Variants in DOCK6 observed in about 807,000 individuals in gnomAD.
The protein encoded by DOCK6 is dedicator of cytokinesis 6.
DOCK6 carries 167 observed loss-of-function variants against 230.3 expected under a neutral mutation model. That is an observed-to-expected ratio of 0.73 (90% CI 0.64 to 0.82). The LOEUF (loss-of-function observed/expected upper bound fraction) is 0.82. Among genes scored for constraint, DOCK6 ranks in the 40% least tolerant of loss-of-function variants. DOCK6 has a pLI of 0.00. For synonymous variants in DOCK6, 1,148 were observed against 1,185.0 expected, an observed-to-expected ratio of 0.97 and a Z score of 0.64; for missense variants, 2,598 against 2,825.8, an observed-to-expected ratio of 0.92 and a Z score of 1.83.
rs986078257 is a variant in DOCK6, at chr19:11,201,323, T to TG, written c.5689-272dup. 8.6e-5 allele frequency among the ~76,000 whole-genome samples: 13 copies of TG among 151,920 alleles called. No homozygotes were observed. The highest frequency in any genetic ancestry group is 6.6e-5 in the Admixed American group (1 of 15,258). On this transcript the variant is annotated intron_variant, in intron 44 of 47. Coordinates refer to ENST00000294618, the MANE Select transcript of DOCK6 (RefSeq NM_020812.4). The surrounding 1 kb of genome is among the most constrained non-coding windows in gnomAD (Gnocchi z 4.3). ...GAGATTTGGACTGGAAGTTGGAGTT[T>TG]GGGGTCCCCAACCTGGTTCTGGGGT...
Position 11,202,566 on chromosome 19 carries a change from C to T in DOCK6, c.5361+18G>A, listed in dbSNP as rs1826718581. On this transcript the variant is annotated intron_variant, in intron 42 of 47. Transcript: ENST00000294618. This position sits in a 1 kb window ranked among gnomAD's most constrained non-coding sequence, Gnocchi z 5.3. ...GGCAGCCCCATGCCCCGTTCCACCC[C>T]CAACCACAAGGACGTGCCTCCAGCC... 1.9e-6 allele frequency: 3 copies of T among 1,613,872 alleles called. No homozygotes were observed. The highest frequency in any genetic ancestry group is 1.3e-5 in the African/African-American group (1 of 74,938).
chr19:11,224,914 A>G (rs561943189), intron 24 of DOCK6, among the ~76,000 whole-genome samples: 628 of 152,180 alleles, frequency 4.1e-3, no homozygotes, highest in Non-Finnish European at 7.2e-3. Context: ...AATACAAAAA[A>G]TTAGCCAGGG....
intron 7 of DOCK6, chr19:11,247,331 T>C (rs2080050607): frequency 6.6e-6 from 1 of 151,664 alleles, no homozygotes; most frequent in Non-Finnish European, 1.5e-5. Flanking sequence ...TGAGCTCAGG[T>C]GATCCGCCCG....
In DOCK6 at chr19:11,252,215, G is replaced by T; in HGVS notation, c.411C>A (p.Val137=). The part of the protein sequence containing the change: ...YQYLSAAYSP[V]TTDTQRERQK... The stretch of plus-strand genomic sequence containing the variant: ...GTCGCTCCCGCTGTGTGTCTGTGGT[G>T]ACGGGGCTGTATGCTGCACTCAGGT... The change falls in exon 5 of 48, where the codon GTC becomes GTA. Residue 137 remains valine, a synonymous_variant. Coordinates refer to ENST00000294618, the MANE Select transcript of DOCK6 (RefSeq NM_020812.4). 6.3e-7 allele frequency: 1 copy of T among 1,583,444 alleles called. No individual in the cohort carries two copies. Among genetic ancestry groups the T allele is most frequent in the South Asian group, 1.2e-5 (1 of 86,808 alleles).
intron 7 of DOCK6, among the ~76,000 whole-genome samples, chr19:11,246,563 C>A (rs576238683): frequency 1.3e-5 from 2 of 151,984 alleles, no homozygotes; most frequent in African/African-American, 4.8e-5. Flanking sequence ...CGCGCCCCGC[C>A]GACACTGAAG....
intron 14 of DOCK6, chr19:11,241,620 G>A: frequency 6.4e-7 from 1 of 1,563,168 alleles, no homozygotes; most frequent in South Asian, 1.2e-5. Flanking sequence ...AGCTGGAAAG[G>A]GGCCCCCTCA....
At chr19:11,212,673 G>A (rs1002670114) in intron 35 of DOCK6, among the ~76,000 whole-genome samples, 38 of 147,180 alleles carry the variant, frequency 2.6e-4, no homozygotes, top group African/African-American at 6.1e-4. Flanking sequence ...AGCGATTCTC[G>A]TGTCTCAGCC....
chr19:11,205,298 T>C (rs1216867320), intron 39 of DOCK6, among the ~76,000 whole-genome samples: 1 of 152,188 alleles, frequency 6.6e-6, no homozygotes, highest in Non-Finnish European at 1.5e-5. Flanking sequence ...GGTGGTTTGC[T>C]GCACCCATCA....
chr19:11,259,676 G>A (rs558393230), intron 1 of DOCK6, among the ~76,000 whole-genome samples: 96 of 147,874 alleles, frequency 6.5e-4, no homozygotes, highest in African/African-American at 2.3e-3. Flanking sequence ...TCCTGCCTAA[G>A]CCTCCCGAGT....
At chr19:11,254,267 A>C (rs2147883107) in intron 1 of DOCK6, among the ~76,000 whole-genome samples, 1 of 152,314 alleles carries the variant, frequency 6.6e-6, no homozygotes, top group Non-Finnish European at 1.5e-5. Context: ...AGAGATCCTG[A>C]GATGAGGCCA....
rs767816991 is a variant in DOCK6 at position 11,243,600 on chromosome 19, C to CACGATGTT, written c.1207_1214dup (p.Ser406ThrfsTer3). Reference sequence around the variant, plus strand: ...CCCGGTCCAGCTGCCCAGCGCTGCTCACGATGTTGGCCAAGTGCACGGCCG... The same window carrying CACGATGTT: ...CCCGGTCCAGCTGCCCAGCGCTGCTCACGATGTTACGATGTTGGCCAAGTGCACGGCCG... On this transcript the variant is annotated frameshift_variant, in exon 11 of 48. Transcript: ENST00000294618. LOFTEE classifies it high-confidence loss of function. This position sits in a 1 kb window ranked among gnomAD's most constrained non-coding sequence, Gnocchi z 6.3. 1 of 1,610,800 alleles carries CACGATGTT rather than the reference C, an allele frequency of 6.2e-7. No individual in the cohort carries two copies. The highest frequency in any genetic ancestry group is 1.1e-5 in the South Asian group (1 of 90,682).
chr19:11,232,972 G>A (rs1288558855), intron 22 of DOCK6, among the ~76,000 whole-genome samples: 5 of 151,994 alleles, frequency 3.3e-5, no homozygotes, highest in Admixed American at 2.0e-4. Context: ...GTTCAGCCAC[G>A]CCAAGCTCCG....
intron 32 of DOCK6, 49 bp downstream of exon 32, chr19:11,215,338 C>T (rs1384521978): frequency 3.2e-5 from 49 of 1,543,070 alleles, no homozygotes; most frequent in South Asian, 4.5e-5. Context: ...CCTCCTGCCT[C>T]GGCCCAAACT....
chr19:11,260,098 C>A (rs1434830924), intron 1 of DOCK6, among the ~76,000 whole-genome samples: 1 of 151,992 alleles, frequency 6.6e-6, no homozygotes, highest in Non-Finnish European at 1.5e-5. Context: ...ATAGGACCAG[C>A]TCTGAGTATG....
At chr19:11,252,271 A>T in intron 4 of DOCK6, 23 bp from the exon 5 acceptor site, 1 of 1,576,284 alleles carries the variant, frequency 6.3e-7, no homozygotes, top group Non-Finnish European at 8.6e-7. Flanking sequence ...GGGGCTGGGC[A>T]GGTAGGGAGG....
At chr19:11,235,521 G>T in intron 21 of DOCK6, 77 bp downstream of exon 21, 1 of 1,420,568 alleles carries the variant, frequency 7.0e-7, no homozygotes, top group Non-Finnish European at 9.5e-7. Flanking sequence ...AAAGTCCTGG[G>T]ATTACAGGCG....
chr19:11,250,727 A>T, intron 6 of DOCK6, 147 bp downstream of exon 6: 1 of 760,672 alleles, frequency 1.3e-6, no homozygotes, highest in Non-Finnish European at 2.1e-6. Context: ...AACATAGGAT[A>T]TACAGTAGGT....
Position 11,200,722 on chromosome 19 carries a change from C to G in DOCK6, c.5933G>C (p.Cys1978Ser). 6.2e-7 allele frequency: 1 copy of G among 1,612,620 alleles called. No individual in the cohort carries two copies. Among genetic ancestry groups the G allele is most frequent in the Non-Finnish European group, 8.5e-7 (1 of 1,179,342 alleles). The change falls in exon 46 of 48, where the codon TGC (cysteine) becomes TCC (serine). Residue 1978 changes from cysteine to serine, a missense_variant. Coordinates refer to ENST00000294618, the MANE Select transcript of DOCK6 (RefSeq NM_020812.4). This position sits in a 1 kb window ranked among gnomAD's most constrained non-coding sequence, Gnocchi z 4.3. ...TGGGGGGTTTTGCGCCTACTTCTTGCAGAAGTCCTTGAAGCAGAGCCGCAA... is the reference window on the plus strand; with the variant it reads ...TGGGGGGTTTTGCGCCTACTTCTTGGAGAAGTCCTTGAAGCAGAGCCGCAA... Reference protein sequence around the residue: ...NKLRLCFKDFCKKCEDALRKN... With the variant: ...NKLRLCFKDFSKKCEDALRKN...
In DOCK6 at chr19:11,252,229, C is replaced by T. The variant is rs757564101; in HGVS notation, c.397G>A (p.Ala133Thr). Reference protein sequence around the residue: ...VHRRYQYLSAAYSPVTTDTQR... With the variant: ...VHRRYQYLSATYSPVTTDTQR... ...GTGTCTGTGGTGACGGGGCTGTATG[C>T]TGCACTCAGGTACTGATACCTAGCA... The change falls in exon 5 of 48, where the codon GCA becomes ACA. Residue 133 changes from alanine to threonine, a missense_variant. Transcript: ENST00000294618. 17 of 1,584,196 alleles carry T rather than the reference C, an allele frequency of 1.1e-5. No homozygotes were observed. The highest frequency in any genetic ancestry group is 9.2e-5 in the Admixed American group (5 of 54,476).
Sources: gnomAD v4.1 joint callset for allele counts (sites outside exome capture counted in the v4.1 genomes callset) on GRCh38, gnomAD v4.1.1 for gene constraint, Gnocchi (gnomAD v3.1) non-coding constraint, MANE v1.5 for transcripts, NCBI Gene and HGNC (gene_info 2026-07-23, HGNC 2026-07-21) for gene names.